The following HLX variants were observed in gnomAD, a reference collection of about 807,000 sequenced individuals.
HLX encodes the protein H2.0-like homeobox protein.
HLX carries 6 observed loss-of-function variants against 27.7 expected under a neutral mutation model. That is an observed-to-expected ratio of 0.22 (90% CI 0.12 to 0.43). HLX has a LOEUF of 0.43. HLX is among the 20% of genes least tolerant of loss of function. The pLI is 1.00. For synonymous variants in HLX, 328 were observed against 293.8 expected, an observed-to-expected ratio of 1.12 and a Z score of -1.19; for missense variants, 666 against 655.2, an observed-to-expected ratio of 1.02 and a Z score of -0.18.
chr1:220,880,529 A>G, intron 1 of HLX, 80 bp downstream of exon 1: 1 of 1,481,842 alleles, frequency 6.7e-7, no homozygotes, highest in Non-Finnish European at 9.4e-7. Context: ...GGTGCCTTTG[A>G]GTGTTTTTAC....
In HLX at chr1:220,884,265, A is replaced by G; in HGVS notation, c.1028A>G (p.Lys343Arg). The change falls in exon 4 of 4, where the codon AAG becomes AGG. Residue 343 changes from lysine to arginine, a missense_variant. By Grantham distance (26) the Lys-to-Arg change is conservative. Coordinates refer to ENST00000366903, the MANE Select transcript of HLX (RefSeq NM_021958.4). This position sits in a 1 kb window ranked among gnomAD's most constrained non-coding sequence, Gnocchi z 4.9. ...AAGGAGGCCCAGGCCCAAAAGGACAAGGACAAGGAGGCTGGCGAGAAGCCA... is the reference window on the plus strand; with the variant it reads ...AAGGAGGCCCAGGCCCAAAAGGACAGGGACAAGGAGGCTGGCGAGAAGCCA... Reference protein sequence around the residue: ...HSKEAQAQKDKDKEAGEKPSG... With the variant: ...HSKEAQAQKDRDKEAGEKPSG... 1 of 1,614,070 alleles carries G rather than the reference A, an allele frequency of 6.2e-7. No individual in the cohort carries two copies. Among genetic ancestry groups the G allele is most frequent in the Non-Finnish European group, 8.5e-7 (1 of 1,180,014 alleles).
intron 2 of HLX, 34 bp from the exon 3 acceptor site, chr1:220,882,130 G>A (rs1451967440): frequency 1.2e-6 from 2 of 1,610,498 alleles, no homozygotes; most frequent in Non-Finnish European, 1.7e-6. Context: ...CGGCCCTCTT[G>A]TCTTTCTTCC....
At chr1:220,881,082 T>C in intron 1 of HLX, 112 bp from the exon 2 acceptor site, 3 of 998,896 alleles carry the variant, frequency 3.0e-6, no homozygotes, top group Non-Finnish European at 4.6e-6. Flanking sequence ...GGTTCTCTCT[T>C]GACTTCGCTC....
At position 220,884,738 on chromosome 1, in the gene HLX, G is replaced by A. The variant is rs753006825; in HGVS notation, c.*34G>A. On this transcript the variant is annotated 3_prime_UTR_variant, in exon 4 of 4. Coordinates refer to ENST00000366903, the MANE Select transcript of HLX (RefSeq NM_021958.4). This position sits in a 1 kb window ranked among gnomAD's most constrained non-coding sequence, Gnocchi z 4.9. ...AGGGCGGAGGGGATCCGGGCCTTGC[G>A]TGCAGCCTCCCAACCATGGGCTGGG... 3.8e-6 allele frequency: 6 copies of A among 1,598,518 alleles called. No individual in the cohort carries two copies. The highest frequency in any genetic ancestry group is 5.1e-6 in the Non-Finnish European group (6 of 1,177,452).
In HLX at chr1:220,884,764, T is replaced by A; in HGVS notation, c.*60T>A. ...TGCAGCCTCCCAACCATGGGCTGGGTTTTGTGCTTACTGTATGTTGGCGAC... is the reference window on the plus strand; with the variant it reads ...TGCAGCCTCCCAACCATGGGCTGGGATTTGTGCTTACTGTATGTTGGCGAC... On this transcript the variant is annotated 3_prime_UTR_variant, in exon 4 of 4. Coordinates refer to ENST00000366903, the MANE Select transcript of HLX (RefSeq NM_021958.4). This position sits in a 1 kb window ranked among gnomAD's most constrained non-coding sequence, Gnocchi z 4.9. 6.3e-7 allele frequency: 1 copy of A among 1,579,698 alleles called. No individual in the cohort carries two copies. The highest frequency in any genetic ancestry group is 2.3e-5 in the East Asian group (1 of 44,216).
chr1:220,880,091 G>T lies in HLX; in HGVS notation c.234G>T (p.Ser78=), dbSNP rs773956210. Residue 78 remains serine (S), a synonymous_variant, in exon 1 of 4, where the codon TCG becomes TCT. Transcript: ENST00000366903. The part of the protein sequence containing the change: ...SAAALTAHLG[S]VHPHASFQAA... ...CCGCCCTCACCGCGCACTTGGGCTCGGTTCACCCGCACGCCTCTTTCCAAG... is the reference window on the plus strand; with the variant it reads ...CCGCCCTCACCGCGCACTTGGGCTCTGTTCACCCGCACGCCTCTTTCCAAG... 1.3e-6 allele frequency: 2 copies of T among 1,596,206 alleles called. No homozygotes were observed. Among genetic ancestry groups the T allele is most frequent in the South Asian group, 2.2e-5 (2 of 90,356 alleles).
In HLX at chr1:220,880,491, C is replaced by A. The variant is rs766145254; in HGVS notation, c.592+42C>A. Reference sequence around the variant, plus strand: ...AGGCTGCAGGCCTCTGACCACTGACCCACTCCCCGGACCCCGGGCTGGCTT... The same window carrying A: ...AGGCTGCAGGCCTCTGACCACTGACACACTCCCCGGACCCCGGGCTGGCTT... On this transcript the variant is annotated intron_variant, in intron 1 of 3. Coordinates refer to ENST00000366903, the MANE Select transcript of HLX (RefSeq NM_021958.4). 3.7e-6 allele frequency: 6 copies of A among 1,610,116 alleles called. No individual in the cohort carries two copies. The East Asian group carries it at 1.3e-4, about 36-fold the overall frequency.
Sources: allele counts gnomAD v4.1 joint callset, GRCh38; gene constraint gnomAD v4.1.1; non-coding constraint Gnocchi (gnomAD v3.1); transcripts MANE v1.5; gene names NCBI Gene and HGNC (gene_info 2026-07-23, HGNC 2026-07-21).